ZNF385D: variants seen among roughly 807,000 people sequenced by gnomAD.
ZNF385D encodes the protein zinc finger protein 659.
ZNF385D carries 15 observed loss-of-function variants against 35.8 expected under a neutral mutation model. The ratio of observed to expected loss-of-function variants is 0.42; its 90% CI spans 0.28 to 0.64. ZNF385D has a LOEUF of 0.64. Ranked by LOEUF, ZNF385D falls within the 30% of genes least tolerant of loss-of-function variation. ZNF385D has a pLI of 0.23. For synonymous variants in ZNF385D, 212 were observed against 186.8 expected, an observed-to-expected ratio of 1.13 and a Z score of -1.10; for missense variants, 474 against 494.6, an observed-to-expected ratio of 0.96 and a Z score of 0.39.
intron 3 of ZNF385D, among the ~76,000 whole-genome samples, chr3:22,112,841 G>GA (rs1378940195): frequency 1.4e-5 from 2 of 148,040 alleles, no homozygotes; most frequent in Non-Finnish European, 3.0e-5. Context: ...CTTCCTATGG[G>GA]GGGGAAAAAA....
At chr3:21,622,211 G>A (rs2065027994) in intron 2 of ZNF385D, among the ~76,000 whole-genome samples, 1 of 152,050 alleles carries the variant, frequency 6.6e-6, no homozygotes, top group South Asian at 2.1e-4. Flanking sequence ...GATTAAGGAG[G>A]AAGTCATTGA....
intron 3 of ZNF385D, among the ~76,000 whole-genome samples, chr3:22,155,053 G>C (rs2125727629): frequency 6.6e-6 from 1 of 152,192 alleles, no homozygotes; most frequent in South Asian, 2.1e-4. Context: ...TTGTATAATT[G>C]ATCTTATGTG....
chr3:22,196,253 T>C (rs1696405041), intron 2 of ZNF385D, among the ~76,000 whole-genome samples: 2 of 152,106 alleles, frequency 1.3e-5, no homozygotes, highest in African/African-American at 4.8e-5. Context: ...GTTTTGAGTA[T>C]TCTTATCTGC....
intron 2 of ZNF385D, among the ~76,000 whole-genome samples, chr3:22,329,320 T>A (rs1694827928): frequency 6.6e-6 from 1 of 152,128 alleles, no homozygotes; most frequent in African/African-American, 2.4e-5. Flanking sequence ...AGGTATATAT[T>A]TTTCCTCACC....
chr3:21,569,979 G>T (rs1328517411), intron 2 of ZNF385D, among the ~76,000 whole-genome samples: 3 of 151,100 alleles, frequency 2.0e-5, no homozygotes, highest in Non-Finnish European at 4.4e-5. Context: ...AATGGGTGCA[G>T]CACACCAGCA....
chr3:22,259,916 C>T (rs1700532812), intron 2 of ZNF385D, among the ~76,000 whole-genome samples: 1 of 151,810 alleles, frequency 6.6e-6, no homozygotes, highest in Non-Finnish European at 1.5e-5. Flanking sequence ...GACCATCAAC[C>T]TCCTGCATCC....
intron 3 of ZNF385D, among the ~76,000 whole-genome samples, chr3:21,838,455 C>G (rs1215102978): frequency 1.3e-5 from 2 of 152,060 alleles, no homozygotes; most frequent in Non-Finnish European, 2.9e-5. Flanking sequence ...AAGAGGCCAG[C>G]CTTCCTGTTT....
chr3:22,019,366 T>C (rs1039921936), intron 3 of ZNF385D, among the ~76,000 whole-genome samples: 1 of 151,954 alleles, frequency 6.6e-6, no homozygotes, highest in African/African-American at 2.4e-5. Flanking sequence ...TTCATTCACA[T>C]AGATTTCAGG....
chr3:21,463,782 C>A lies in ZNF385D; in HGVS notation c.440-26579G>T, dbSNP rs566129424. On this transcript the variant is annotated intron_variant, in intron 4 of 7. Coordinates refer to ENST00000281523, the MANE Select transcript of ZNF385D (RefSeq NM_024697.3). ...AGTTTTCAATGACAGAGTTTACTAA[C>A]CAAAATCCAAAATTATGGATAGAGC... Among the ~76,000 whole-genome samples, 12 of 152,272 alleles carry A rather than the reference C, an allele frequency of 7.9e-5. No homozygotes were observed. The East Asian group carries it at 2.1e-3, about 27-fold the overall frequency.
chr3:21,945,171 T>C (rs575521892), intron 3 of ZNF385D, among the ~76,000 whole-genome samples: 8 of 150,974 alleles, frequency 5.3e-5, no homozygotes, highest in Non-Finnish European at 1.5e-5. Context: ...CACATATATA[T>C]ATAGTGAGAG....
chr3:22,317,715 T>A (rs1340279262), intron 2 of ZNF385D, among the ~76,000 whole-genome samples: 1 of 152,200 alleles, frequency 6.6e-6, no homozygotes, highest in Non-Finnish European at 1.5e-5. Flanking sequence ...CATCAGTCTG[T>A]AATTTTCCCC....
chr3:21,723,163 C>T (rs556713149), intron 1 of ZNF385D, among the ~76,000 whole-genome samples: 11 of 152,026 alleles, frequency 7.2e-5, no homozygotes, highest in African/African-American at 2.4e-4. Flanking sequence ...ACATCAAAGA[C>T]GAAAGGTAGA....
At chr3:21,627,286 T>TGTGTGTGA (rs57761954) in intron 2 of ZNF385D, among the ~76,000 whole-genome samples, 1 of 144,524 alleles carries the variant, frequency 6.9e-6, no homozygotes, top group African/African-American at 2.5e-5. Context: ...TGTGTGTGTG[T>TGTGTGTGA]GAATTACTAC....
intron 3 of ZNF385D, among the ~76,000 whole-genome samples, chr3:22,123,962 C>CTATATATATA (rs71044974): frequency 2.1e-4 from 13 of 61,846 alleles, no homozygotes; most frequent in African/African-American, 4.2e-4. Flanking sequence ...CTCTCTCTCT[C>CTATATATATA]TATATATATA....
intron 4 of ZNF385D, among the ~76,000 whole-genome samples, chr3:21,460,906 A>G (rs1703127815): frequency 6.6e-6 from 1 of 152,158 alleles, no homozygotes; most frequent in South Asian, 2.1e-4. Context: ...TTACCTTAAT[A>G]ATCTCTAGGA....
At chr3:22,229,373 G>A (rs1224104534) in intron 2 of ZNF385D, among the ~76,000 whole-genome samples, 2 of 152,170 alleles carry the variant, frequency 1.3e-5, no homozygotes, top group Non-Finnish European at 2.9e-5. Flanking sequence ...GTGGTTCACT[G>A]TTGGCCGCCT....
At chr3:22,003,826 C>A (rs1696018017) in intron 3 of ZNF385D, among the ~76,000 whole-genome samples, 1 of 151,426 alleles carries the variant, frequency 6.6e-6, no homozygotes, top group African/African-American at 2.4e-5. Context: ...AAGATTGCAC[C>A]ACTGCACTCC....
chr3:21,875,064 C>T lies in ZNF385D; in HGVS notation c.326-210036G>A, dbSNP rs181156633. Among the ~76,000 whole-genome samples the T allele has an allele frequency of 2.0e-5, 3 of 151,902 alleles. No individual in the cohort carries two copies. In the East Asian group the frequency reaches 5.8e-4, roughly 30 times the overall value. On this transcript the variant is annotated intron_variant, in intron 3 of 5. Transcript: ENST00000494108. The stretch of plus-strand genomic sequence containing the variant: ...TTAGGGTTATTCATTGTTTAGTGTA[C>T]AGAAACACAACTGATTTTTGTATGT...
At chr3:22,006,744 T>G (rs1696233605) in intron 3 of ZNF385D, among the ~76,000 whole-genome samples, 1 of 151,982 alleles carries the variant, frequency 6.6e-6, no homozygotes, top group East Asian at 1.9e-4. Context: ...AAAAATTGGA[T>G]AAAATATAAT....
Sources: gnomAD v4.1 joint callset for allele counts (sites outside exome capture counted in the v4.1 genomes callset) on GRCh38, gnomAD v4.1.1 for gene constraint, MANE v1.5 for transcripts, NCBI Gene and HGNC (gene_info 2026-07-23, HGNC 2026-07-21) for gene names.